Variants in LOC400499 observed in about 807,000 individuals in gnomAD.
chr16:11,475,804 G>C, the LOC400499 span: 6 of 395,306 alleles, frequency 1.5e-5, no homozygotes, highest in Non-Finnish European at 2.7e-5. Flanking sequence ...GCTTGGCACA[G>C]GGGCAAATTC....
the LOC400499 span, chr16:11,392,906 T>C: frequency 1.7e-6 from 1 of 584,098 alleles, no homozygotes; most frequent in Non-Finnish European, 2.2e-6. Flanking sequence ...TAGGCTGGTG[T>C]GTGGTGACAC....
the LOC400499 span, among the ~76,000 whole-genome samples, chr16:11,458,276 G>A: frequency 6.6e-6 from 1 of 152,170 alleles, no homozygotes; most frequent in African/African-American, 2.4e-5. Context: ...GAACCCAGAG[G>A]CAGAAGTTGT....
At chr16:11,495,333 A>G in the LOC400499 span, among the ~76,000 whole-genome samples, 1 of 151,906 alleles carries the variant, frequency 6.6e-6, no homozygotes, top group African/African-American at 2.4e-5. Context: ...GGGGTTCAGG[A>G]CACAGCTGCT....
At chr16:11,474,703 C>CAAA in the LOC400499 span, among the ~76,000 whole-genome samples, 22 of 138,646 alleles carry the variant, frequency 1.6e-4, no homozygotes, top group African/African-American at 4.4e-4. Flanking sequence ...CTACAAAATA[C>CAAA]AAAAAAAAAA....
the LOC400499 span, chr16:11,472,410 C>T: frequency 6.6e-6 from 1 of 152,108 alleles, no homozygotes; most frequent in Admixed American, 6.6e-5. Flanking sequence ...CCAGGCTGAT[C>T]TTGAACTCCT....
At chr16:11,416,276 CAGA>C in the LOC400499 span, among the ~76,000 whole-genome samples, 1 of 152,080 alleles carries the variant, frequency 6.6e-6, no homozygotes, top group African/African-American at 2.4e-5. Flanking sequence ...TTGAGGCCAA[CAGA>C]AGGACTCCCC....
chr16:11,525,725 C>G, the LOC400499 span, among the ~76,000 whole-genome samples: 1 of 152,214 alleles, frequency 6.6e-6, no homozygotes, highest in African/African-American at 2.4e-5. Context: ...GCCACCATGA[C>G]CTGCAGAAGT....
At chr16:11,384,133 C>T in the LOC400499 span, 15 of 1,215,092 alleles carry the variant, frequency 1.2e-5, no homozygotes, top group African/African-American at 2.2e-4. Flanking sequence ...AGCCATCAGG[C>T]CGCCTGCCTC....
chr16:11,431,799 C>A, the LOC400499 span, among the ~76,000 whole-genome samples: 1 of 152,238 alleles, frequency 6.6e-6, no homozygotes, highest in Non-Finnish European at 1.5e-5. Flanking sequence ...TACTCTCCTG[C>A]AAGGTGACTT....
chr16:11,385,451 G>A, the LOC400499 span: 2 of 1,214,072 alleles, frequency 1.6e-6, no homozygotes, highest in Non-Finnish European at 2.1e-6. Context: ...GGGTGAGCGG[G>A]GCCAGCTCCA....
chr16:11,523,704 C>A, the LOC400499 span: 2 of 358,218 alleles, frequency 5.6e-6, no homozygotes, highest in Non-Finnish European at 5.0e-6. Context: ...GCACCATCAT[C>A]CCTGATAGCT....
At chr16:11,415,317 C>G in the LOC400499 span, among the ~76,000 whole-genome samples, 1 of 152,194 alleles carries the variant, frequency 6.6e-6, no homozygotes, top group African/African-American at 2.4e-5. Flanking sequence ...GTATCAGATG[C>G]CAGGTTCCCG....
the LOC400499 span, chr16:11,390,272 C>T: frequency 1.6e-6 from 2 of 1,232,718 alleles, no homozygotes; most frequent in African/African-American, 3.1e-5. Flanking sequence ...CATCCTTGCT[C>T]ACTCACCAGC....
chr16:11,385,079 G>C, the LOC400499 span: 1 of 1,232,234 alleles, frequency 8.1e-7, no homozygotes, highest in Non-Finnish European at 1.0e-6. Flanking sequence ...TGGGCCAGAG[G>C]GGGCTGGGCA....
the LOC400499 span, chr16:11,425,277 C>G: frequency 1.3e-5 from 5 of 398,934 alleles, no homozygotes; most frequent in African/African-American, 1.0e-4. Context: ...GGCCTGCAGC[C>G]GGCCCTTCAG....
chr16:11,436,228 C>A, the LOC400499 span, among the ~76,000 whole-genome samples: 169 of 152,238 alleles, frequency 1.1e-3, 3 homozygotes, highest in East Asian at 0.027. Flanking sequence ...CTGAAGGGGG[C>A]TGGTGGGGGA....
the LOC400499 span, chr16:11,508,566 C>G: frequency 7.6e-6 from 3 of 395,798 alleles, no homozygotes; most frequent in South Asian, 4.3e-4. Context: ...CCAGGCACAG[C>G]TGTGCAGTGC....
chr16:11,516,230 TC>T, the LOC400499 span: 1 of 399,660 alleles, frequency 2.5e-6, no homozygotes, highest in Non-Finnish European at 4.4e-6. Flanking sequence ...CCAGCGTGGC[TC>T]AGTGGGATGG....
At chr16:11,385,293 G>C in the LOC400499 span, 1 of 1,232,298 alleles carries the variant, frequency 8.1e-7, no homozygotes, top group Non-Finnish European at 1.0e-6. Context: ...CCGACTCAGC[G>C]TCAGCGAGAA....
Sources: allele counts gnomAD v4.1 joint callset (sites outside exome capture counted in the v4.1 genomes callset), GRCh38; gene constraint gnomAD v4.1.1; transcripts MANE v1.5.